Variants in SYN3 observed in about 807,000 individuals in gnomAD.
The protein encoded by SYN3 is synapsin-3.
Under a neutral mutation model 65.8 loss-of-function variants are expected in SYN3, and 35 were observed. The ratio of observed to expected loss-of-function variants is 0.53; its 90% CI spans 0.41 to 0.70. The LOEUF is 0.70. Among genes scored for constraint, SYN3 ranks in the 30% least tolerant of loss-of-function variants. SYN3 has a pLI of 0.00. For synonymous variants in SYN3, 270 were observed against 292.9 expected (o/e 0.92, Z 0.80); for missense variants, 680 against 749.0 (o/e 0.91, Z 1.08).
chr22:32,763,625 T>C (rs538410008), intron 6 of SYN3, among the ~76,000 whole-genome samples: 2 of 152,332 alleles, frequency 1.3e-5, no homozygotes. Context: ...AGCCATGCAG[T>C]ACTGCCCGGG....
intron 6 of SYN3, among the ~76,000 whole-genome samples, chr22:32,605,973 G>T (rs2059366636): frequency 6.6e-6 from 1 of 152,306 alleles, no homozygotes; most frequent in East Asian, 1.9e-4. Flanking sequence ...CCAGATTGAT[G>T]GGAGGAATGG....
intron 3 of SYN3, among the ~76,000 whole-genome samples, chr22:32,948,280 G>A (rs1011721097): frequency 2.0e-5 from 3 of 152,110 alleles, no homozygotes; most frequent in Admixed American, 6.6e-5. Flanking sequence ...ATTTTCATAG[G>A]TTCCAGGGAC....
intron 4 of SYN3, among the ~76,000 whole-genome samples, chr22:32,908,185 A>C (rs1216489132): frequency 6.6e-6 from 1 of 151,610 alleles, no homozygotes; most frequent in Non-Finnish European, 1.5e-5. Flanking sequence ...TCCCAGGTTC[A>C]AGTGATTGTC....
intron 3 of SYN3, among the ~76,000 whole-genome samples, chr22:32,951,782 A>T (rs1481114414): frequency 6.6e-6 from 1 of 152,210 alleles, no homozygotes; most frequent in Non-Finnish European, 1.5e-5. Context: ...TGGAGTGTGC[A>T]GAGTTGGGCC....
At chr22:33,053,063 A>G in intron 1 of SYN3, among the ~76,000 whole-genome samples, 1 of 152,222 alleles carries the variant, frequency 6.6e-6, no homozygotes, top group East Asian at 1.9e-4. Flanking sequence ...ACTTTGCTAC[A>G]TCATCTCATT....
chr22:32,842,428 A>G (rs2047936589), intron 6 of SYN3, among the ~76,000 whole-genome samples: 1 of 152,264 alleles, frequency 6.6e-6, no homozygotes, highest in East Asian at 1.9e-4. Flanking sequence ...GAGGCAGCAG[A>G]TATCTGAGAA....
intron 6 of SYN3, among the ~76,000 whole-genome samples, chr22:32,765,512 G>A (rs1356485125): frequency 6.6e-6 from 1 of 152,156 alleles, no homozygotes; most frequent in Non-Finnish European, 1.5e-5. Context: ...CAGGAAAGTG[G>A]AGGACAACTT....
chr22:32,516,180 C>T (rs79021835), intron 13 of SYN3, among the ~76,000 whole-genome samples: 4,555 of 151,380 alleles, frequency 0.03, 221 homozygotes, highest in African/African-American at 0.11. Flanking sequence ...AAAATGAGGG[C>T]GAGGATCTGA....
intron 6 of SYN3, among the ~76,000 whole-genome samples, chr22:32,653,208 GC>G (rs1174784489): frequency 6.6e-6 from 1 of 151,230 alleles, no homozygotes; most frequent in Non-Finnish European, 1.5e-5. Flanking sequence ...TTATCAAATT[GC>G]TTTCCCATCA....
At chr22:32,991,724 G>A (rs923972435) in intron 2 of SYN3, among the ~76,000 whole-genome samples, 2 of 152,006 alleles carry the variant, frequency 1.3e-5, no homozygotes, top group Non-Finnish European at 1.5e-5. Flanking sequence ...CCCTAATTTC[G>A]CTAAGCCTAT....
chr22:32,726,168 A>G (rs2061188741), intron 6 of SYN3, among the ~76,000 whole-genome samples: 1 of 151,246 alleles, frequency 6.6e-6, no homozygotes. Flanking sequence ...TTTTGAGATG[A>G]AGTCTCACTC....
chr22:32,915,877 A>G (rs560951108), intron 4 of SYN3, among the ~76,000 whole-genome samples: 3 of 152,308 alleles, frequency 2.0e-5, no homozygotes, highest in African/African-American at 7.2e-5. Context: ...GAAGGGGGAA[A>G]TGGTGGATTA....
intron 3 of SYN3, among the ~76,000 whole-genome samples, chr22:32,969,990 A>G (rs1309219609): frequency 1.3e-5 from 2 of 152,236 alleles, no homozygotes; most frequent in African/African-American, 2.4e-5. Context: ...ACTGCACTGC[A>G]AACTTCTTCA....
chr22:32,864,591 C>T (rs548876968), intron 6 of SYN3: 89 of 188,520 alleles, frequency 4.7e-4, no homozygotes, highest in Non-Finnish European at 8.2e-4. Context: ...CAACATCCCA[C>T]CTTGAAAACA....
At chr22:32,610,675 A>G (rs1233883931) in intron 6 of SYN3, among the ~76,000 whole-genome samples, 1 of 152,014 alleles carries the variant, frequency 6.6e-6, no homozygotes, top group East Asian at 1.9e-4. Flanking sequence ...CTCCCCCTCC[A>G]GATGTCAAGC....
chr22:32,858,442 A>C (rs1352528291), intron 6 of SYN3, among the ~76,000 whole-genome samples: 1 of 152,094 alleles, frequency 6.6e-6, no homozygotes, highest in East Asian at 1.9e-4. Flanking sequence ...TCAAGGCTGG[A>C]GGTATAGGAT....
At chr22:32,710,645 A>AAAAAAAAAAAAGAAAG (rs1555931894) in intron 6 of SYN3, among the ~76,000 whole-genome samples, 1 of 126,992 alleles carries the variant, frequency 7.9e-6, no homozygotes, top group African/African-American at 3.5e-5. Context: ...AAAAAAAAAA[A>AAAAAAAAAAAAGAAAG]AAAGAAAGAA....
intron 6 of SYN3, among the ~76,000 whole-genome samples, chr22:32,797,920 G>A (rs1198807238): frequency 3.3e-5 from 5 of 152,174 alleles, no homozygotes; most frequent in Non-Finnish European, 5.9e-5. Context: ...CACAGAAGTG[G>A]ACGCCTGGAC....
chr22:32,765,729 G>A (rs927823627), intron 6 of SYN3, among the ~76,000 whole-genome samples: 2 of 152,120 alleles, frequency 1.3e-5, no homozygotes, highest in East Asian at 1.9e-4. Context: ...AAGGCTGGGG[G>A]ACTGTGCACC....
Sources: allele counts gnomAD v4.1 joint callset (sites outside exome capture counted in the v4.1 genomes callset), GRCh38; gene constraint gnomAD v4.1.1; transcripts MANE v1.5; gene names NCBI Gene and HGNC (gene_info 2026-07-23, HGNC 2026-07-21).